The following RNF180 variants were observed in gnomAD, a reference collection of about 807,000 sequenced individuals.
The protein encoded by RNF180 is ring finger protein 180.
A neutral mutation model predicts 59.2 loss-of-function variants in RNF180; 38 were observed. The ratio of observed to expected loss-of-function variants is 0.64; its 90% CI spans 0.50 to 0.84. The LOEUF (loss-of-function observed/expected upper bound fraction) is 0.84, where lower values mean the gene tolerates loss of function less well. Among genes scored for constraint, RNF180 ranks in the 40% least tolerant of loss-of-function variants. RNF180 has a pLI of 0.00. For synonymous variants in RNF180, 262 were observed against 240.3 expected, an observed-to-expected ratio of 1.09 and a Z score of -0.84; for missense variants, 705 against 700.9, an observed-to-expected ratio of 1.01 and a Z score of -0.07.
intron 5 of RNF180, among the ~76,000 whole-genome samples, chr5:64,318,085 C>A (rs898126624): frequency 3.3e-5 from 5 of 152,102 alleles, no homozygotes; most frequent in Admixed American, 6.6e-5. Context: ...TAAGTTGAAC[C>A]ATTTTAAAAT....
At chr5:64,281,086 C>T (rs1741984558) in intron 5 of RNF180, among the ~76,000 whole-genome samples, 1 of 152,136 alleles carries the variant, frequency 6.6e-6, no homozygotes, top group Non-Finnish European at 1.5e-5. Context: ...GGATTGCATC[C>T]TTGATTTCAC....
chr5:64,354,616 G>C (rs1580302001), intron 7 of RNF180, among the ~76,000 whole-genome samples: 1 of 151,786 alleles, frequency 6.6e-6, no homozygotes. Context: ...CACTACCTCA[G>C]TATGAAAGCC....
In RNF180 at chr5:64,287,158, G is replaced by C. The variant is rs539525564; in HGVS notation, c.1228-38028G>C. Among the ~76,000 whole-genome samples, 15 of 152,080 alleles carry C rather than the reference G, an allele frequency of 9.9e-5. 2 individuals are homozygous for C. The highest frequency in any genetic ancestry group is 3.6e-4 in the African/African-American group (15 of 41,474). On this transcript the variant is annotated intron_variant, in intron 5 of 7. Coordinates refer to ENST00000389100, the MANE Select transcript of RNF180 (RefSeq NM_001113561.2). ...ATTTTTGTATTTTTAGTAGAGCTGGGGTTTCACCATCTTGGCCGGGCTGGT... is the reference window on the plus strand; with the variant it reads ...ATTTTTGTATTTTTAGTAGAGCTGGCGTTTCACCATCTTGGCCGGGCTGGT...
intron 1 of RNF180, among the ~76,000 whole-genome samples, chr5:64,166,882 A>G (rs562676507): frequency 2.4e-4 from 36 of 152,338 alleles, no homozygotes; most frequent in Non-Finnish European, 4.7e-4. Flanking sequence ...TTTAGCTCTC[A>G]AAGATGGACG....
chr5:64,335,180 C>T (rs1165001030), intron 7 of RNF180, among the ~76,000 whole-genome samples: 1 of 151,878 alleles, frequency 6.6e-6, no homozygotes, highest in African/African-American at 2.4e-5. Context: ...TGCTTTTTTA[C>T]GATTTTCTGT....
At chr5:64,185,475 G>A (rs1321247241) in intron 1 of RNF180, among the ~76,000 whole-genome samples, 1 of 152,118 alleles carries the variant, frequency 6.6e-6, no homozygotes, top group Admixed American at 6.6e-5. Flanking sequence ...CAAGCATTTT[G>A]ATTCAACCAG....
rs80042139 is a variant in RNF180, at chr5:64,251,014, T to C, written c.1227+33618T>C. ...ACATTAAAAAGATCATTCACTATGA[T>C]CAAATGGTATTCATCCCAGGGAAGC... On this transcript the variant is annotated intron_variant, in intron 5 of 7. Transcript: ENST00000389100. Among the ~76,000 whole-genome samples the C allele has an allele frequency of 6.7e-3, 1,020 of 152,268 alleles. 10 individuals carry two copies. The highest frequency in any genetic ancestry group is 0.019 in the African/African-American group (806 of 41,556).
intron 5 of RNF180, among the ~76,000 whole-genome samples, chr5:64,260,487 A>G (rs1164188149): frequency 6.6e-6 from 1 of 151,900 alleles, no homozygotes; most frequent in East Asian, 1.9e-4. Flanking sequence ...TTCATGACAG[A>G]TGCTATCTGA....
At chr5:64,311,952 C>A (rs1310994793) in intron 5 of RNF180, among the ~76,000 whole-genome samples, 1 of 151,926 alleles carries the variant, frequency 6.6e-6, no homozygotes, top group African/African-American at 2.4e-5. Flanking sequence ...CTGGAAAAGA[C>A]CCTCTTTATT....
chr5:64,189,400 G>A (rs1751026467), intron 1 of RNF180, among the ~76,000 whole-genome samples: 1 of 152,160 alleles, frequency 6.6e-6, no homozygotes. Flanking sequence ...GGTGATTCTG[G>A]TGAAGTCTCA....
intron 1 of RNF180, among the ~76,000 whole-genome samples, chr5:64,184,264 A>G (rs930492749): frequency 1.3e-5 from 2 of 152,188 alleles, no homozygotes; most frequent in Non-Finnish European, 2.9e-5. Flanking sequence ...GTACTTTGTT[A>G]TGGTAGTACT....
chr5:64,284,040 G>C (rs560425214), intron 5 of RNF180, among the ~76,000 whole-genome samples: 82 of 152,258 alleles, frequency 5.4e-4, no homozygotes, highest in African/African-American at 1.8e-3. Context: ...CATCTTGTAA[G>C]GTAGATCTGG....
At chr5:64,342,539 A>G (rs1020266338) in intron 7 of RNF180, among the ~76,000 whole-genome samples, 1 of 152,138 alleles carries the variant, frequency 6.6e-6, no homozygotes, top group Non-Finnish European at 1.5e-5. Flanking sequence ...ACAGAATGAA[A>G]TCTCTTGTAG....
chr5:64,254,248 A>G (rs1206955361), intron 5 of RNF180, among the ~76,000 whole-genome samples: 1 of 152,188 alleles, frequency 6.6e-6, no homozygotes, highest in Admixed American at 6.6e-5. Flanking sequence ...ATGCTAGTTA[A>G]GAAGCAATGT....
At chr5:64,222,891 C>A (rs1741438988) in intron 5 of RNF180, among the ~76,000 whole-genome samples, 1 of 152,234 alleles carries the variant, frequency 6.6e-6, no homozygotes, top group Non-Finnish European at 1.5e-5. Context: ...AGAATACATA[C>A]TATCAACATG....
chr5:64,209,388 A>G (rs1272858654), intron 2 of RNF180, among the ~76,000 whole-genome samples: 1 of 152,060 alleles, frequency 6.6e-6, no homozygotes, highest in Non-Finnish European at 1.5e-5. Flanking sequence ...ATATGATTAA[A>G]TGAAATAATG....
At chr5:64,224,573 G>A (rs1156651505) in intron 5 of RNF180, among the ~76,000 whole-genome samples, 1 of 152,134 alleles carries the variant, frequency 6.6e-6, no homozygotes, top group Non-Finnish European at 1.5e-5. Context: ...AGGTACAGTG[G>A]GAGGTATTTT....
At chr5:64,269,612 TA>T (rs1744892546) in intron 5 of RNF180, among the ~76,000 whole-genome samples, 4 of 152,148 alleles carry the variant, frequency 2.6e-5, no homozygotes, top group Admixed American at 6.6e-5. Flanking sequence ...TTGTCTGAGA[TA>T]AATTACTCTT....
chr5:64,223,899 G>C (rs1741505679), intron 5 of RNF180, among the ~76,000 whole-genome samples: 1 of 152,112 alleles, frequency 6.6e-6, no homozygotes, highest in African/African-American at 2.4e-5. Context: ...ATTTTCTTGG[G>C]TATTTGCAGA....
Sources: allele counts gnomAD v4.1 joint callset (sites outside exome capture counted in the v4.1 genomes callset), GRCh38; gene constraint gnomAD v4.1.1; transcripts MANE v1.5; gene names NCBI Gene and HGNC (gene_info 2026-07-23, HGNC 2026-07-21).